The following CFAP96 variants were observed in gnomAD, a reference collection of about 807,000 sequenced individuals.
The protein encoded by CFAP96 is cilia and flagella associated protein 96.
chr4:185,425,138 T>G, the CFAP96 span, among the ~76,000 whole-genome samples: 1 of 152,212 alleles, frequency 6.6e-6, no homozygotes, highest in Non-Finnish European at 1.5e-5. Context: ...ACTTGATTAT[T>G]GACTGCATGT....
chr4:185,410,790 A>G, the CFAP96 span, among the ~76,000 whole-genome samples: 1 of 152,108 alleles, frequency 6.6e-6, no homozygotes, highest in African/African-American at 2.4e-5. Context: ...ACTAAAAAAT[A>G]CAAAAATGAG....
the CFAP96 span, among the ~76,000 whole-genome samples, chr4:185,443,769 C>T: frequency 2.0e-5 from 3 of 151,790 alleles, no homozygotes; most frequent in Admixed American, 2.0e-4. Context: ...GTTTATTTAA[C>T]TTATGTATTT....
chr4:185,433,175 G>A, the CFAP96 span, among the ~76,000 whole-genome samples: 1 of 152,052 alleles, frequency 6.6e-6, no homozygotes, highest in African/African-American at 2.4e-5. Context: ...TGAAGTCAAT[G>A]TAATGTTATA....
chr4:185,418,305 G>T, the CFAP96 span: 1 of 625,392 alleles, frequency 1.6e-6, no homozygotes, highest in Non-Finnish European at 2.6e-6. Flanking sequence ...ATAACTTTTG[G>T]CAAGTCATTT....
the CFAP96 span, chr4:185,418,765 AAATT>A: frequency 5.7e-6 from 9 of 1,585,480 alleles, no homozygotes; most frequent in Non-Finnish European, 7.7e-6. Context: ...TTCTTGAGAA[AAATT>A]TCTAAATTAA....
At chr4:185,429,853 G>T in the CFAP96 span, among the ~76,000 whole-genome samples, 12 of 151,152 alleles carry the variant, frequency 7.9e-5, no homozygotes, top group Admixed American at 3.3e-4. Context: ...TGTGGAGTAG[G>T]GCGGGGGAGC....
At chr4:185,424,358 A>G in the CFAP96 span, among the ~76,000 whole-genome samples, 1 of 152,188 alleles carries the variant, frequency 6.6e-6, no homozygotes, top group Non-Finnish European at 1.5e-5. Flanking sequence ...TATGCTAAAC[A>G]TACATACTTA....
chr4:185,415,456 G>T, the CFAP96 span: 1 of 974,094 alleles, frequency 1.0e-6, no homozygotes, highest in Non-Finnish European at 1.4e-6. Flanking sequence ...ATTGGACCAG[G>T]TTTGCTAAAG....
At chr4:185,436,477 C>T in the CFAP96 span, 6 of 671,078 alleles carry the variant, frequency 8.9e-6, no homozygotes, top group East Asian at 3.2e-5. Context: ...TTGGGGTGGC[C>T]GAGATGGGCG....
At chr4:185,445,430 C>A in the CFAP96 span, 39 of 1,062,440 alleles carry the variant, frequency 3.7e-5, no homozygotes, top group Non-Finnish European at 2.8e-6. Context: ...GTTAGATATG[C>A]ATAGTTCAGT....
At chr4:185,443,342 A>ATATATATATATATATATATATATT in the CFAP96 span, among the ~76,000 whole-genome samples, 2 of 26,726 alleles carry the variant, frequency 7.5e-5, no homozygotes, top group Non-Finnish European at 7.4e-5. Context: ...ATATATATAT[A>ATATATATATATATATATATATATT]TTTTTTTTTT....
the CFAP96 span, among the ~76,000 whole-genome samples, chr4:185,442,627 A>C: frequency 6.6e-6 from 1 of 152,022 alleles, no homozygotes. Context: ...TTTTTATGTC[A>C]TGCTCATGCC....
At chr4:185,423,148 C>T in the CFAP96 span, among the ~76,000 whole-genome samples, 15,300 of 152,220 alleles carry the variant, frequency 0.1, 1,311 homozygotes, top group African/African-American at 0.24. Flanking sequence ...CGTGAGCCAC[C>T]GCGCCCAGCT....
the CFAP96 span, chr4:185,426,075 T>A: frequency 1.6e-6 from 1 of 611,524 alleles, no homozygotes. Context: ...CGAAGACTTA[T>A]GTTTGGTAAA....
At chr4:185,427,157 T>TGCC in the CFAP96 span, among the ~76,000 whole-genome samples, 6 of 152,140 alleles carry the variant, frequency 3.9e-5, no homozygotes, top group Admixed American at 1.3e-4. Context: ...CTCGCTTGTG[T>TGCC]GCCGGGAGCT....
At chr4:185,431,125 G>A in the CFAP96 span, among the ~76,000 whole-genome samples, 9,126 of 150,770 alleles carry the variant, frequency 0.061, 407 homozygotes, top group African/African-American at 0.12. Flanking sequence ...CAGGAGAATC[G>A]CTTGAACCTG....
chr4:185,434,413 A>G, the CFAP96 span, among the ~76,000 whole-genome samples: 186 of 151,930 alleles, frequency 1.2e-3, no homozygotes, highest in African/African-American at 4.2e-3. Context: ...TTTCTTTTTC[A>G]TGGAATATGT....
chr4:185,432,151 CA>C, the CFAP96 span: 6 of 1,548,590 alleles, frequency 3.9e-6, no homozygotes, highest in African/African-American at 5.5e-5. Context: ...TGGAAGCAGC[CA>C]AAAAAAATCT....
At chr4:185,422,390 C>A in the CFAP96 span, 3 of 884,998 alleles carry the variant, frequency 3.4e-6, no homozygotes, top group Non-Finnish European at 3.6e-6. Flanking sequence ...TTAGTTCATC[C>A]TATCTCTCTC....
Sources: allele counts gnomAD v4.1 joint callset (sites outside exome capture counted in the v4.1 genomes callset), GRCh38; gene constraint gnomAD v4.1.1; transcripts MANE v1.5; gene names NCBI Gene and HGNC (gene_info 2026-07-23, HGNC 2026-07-21).